Variants in DOCK2 observed in about 807,000 individuals in gnomAD.
DOCK2 encodes dedicator of cytokinesis 2, also known as dedicator of cytokinesis protein 2.
DOCK2 carries 87 observed loss-of-function variants against 248.9 expected under a neutral mutation model. The observed-to-expected ratio is 0.35, with a 90% CI of 0.29 to 0.42. The LOEUF (loss-of-function observed/expected upper bound fraction) is 0.42. Among genes scored for constraint, DOCK2 ranks in the 10% least tolerant of loss-of-function variants. The pLI, the probability that DOCK2 is intolerant of heterozygous loss-of-function variation, is 1.00. For missense variants in DOCK2, 1,747 were observed against 2,300.2 expected (o/e 0.76, Z 4.92); for synonymous variants, 805 against 821.6 (o/e 0.98, Z 0.35).
At chr5:170,056,398 CTAGGCCATCAATGT>C (rs1757132335) in intron 42 of DOCK2, 1 of 293,462 alleles carries the variant, frequency 3.4e-6, no homozygotes, top group South Asian at 8.9e-5. Context: ...AAATCATGAC[CTAGGCCATCAATGT>C]TAGAATTCCA....
chr5:169,828,300 T>A (rs962724469), intron 26 of DOCK2, among the ~76,000 whole-genome samples: 2 of 152,160 alleles, frequency 1.3e-5, no homozygotes, highest in Non-Finnish European at 2.9e-5. Context: ...TGCTAGTAGT[T>A]TTTCTAAAGT....
chr5:170,035,419 AT>A (rs1245993258), intron 35 of DOCK2, among the ~76,000 whole-genome samples: 1 of 152,016 alleles, frequency 6.6e-6, no homozygotes, highest in Admixed American at 6.5e-5. Flanking sequence ...CAGCCTAGAT[AT>A]TGCCATTGAT....
intron 27 of DOCK2, among the ~76,000 whole-genome samples, chr5:169,907,019 G>T (rs911225739): frequency 1.3e-5 from 2 of 152,140 alleles, no homozygotes; most frequent in Non-Finnish European, 2.9e-5. Flanking sequence ...ACAGAGCAGG[G>T]TCCCTGCTCT....
chr5:170,080,445 A>G lies in DOCK2; in HGVS notation c.5287+162A>G, dbSNP rs554296892. On this transcript the variant is annotated intron_variant, in intron 50 of 51. Coordinates refer to ENST00000520908, the MANE Select transcript of DOCK2 (RefSeq NM_004946.3). ...GCCACCCACCCTCTAATCTCTCCCC[A>G]CACCCACCACTTCCTGGGGGTGACA... 4.6e-6 allele frequency: 5 copies of G among 1,080,294 alleles called. No homozygotes were observed. The African/African-American group carries it at 7.9e-5, about 17-fold the overall frequency. The allele number at this position is 1,080,294 out of a possible 1,614,324, so 66.9% of individuals were successfully genotyped here. A position where few individuals can be genotyped will look rare whatever the true frequency, so the allele number is the denominator to read the frequency against.
intron 25 of DOCK2, among the ~76,000 whole-genome samples, chr5:169,790,935 G>A (rs968265363): frequency 1.3e-5 from 2 of 152,082 alleles, no homozygotes; most frequent in African/African-American, 4.8e-5. Context: ...TAGGTAAAAC[G>A]GCTCAGGGGA....
At chr5:169,711,456 T>C (rs1279618024) in intron 15 of DOCK2, among the ~76,000 whole-genome samples, 1 of 152,306 alleles carries the variant, frequency 6.6e-6, no homozygotes, top group East Asian at 1.9e-4. Flanking sequence ...AGCCCTAGGA[T>C]TTTTCCAAAT....
chr5:170,069,169 C>A lies in DOCK2; in HGVS notation c.4677C>A (p.His1559Gln). The A allele has an allele frequency of 6.2e-7, 1 of 1,614,106 alleles. No homozygotes were observed. Among genetic ancestry groups the A allele is most frequent in the Non-Finnish European group, 8.5e-7 (1 of 1,179,994 alleles). Residue 1559 changes from histidine (H) to glutamine (Q), a missense_variant, in exon 46 of 52, where the codon CAC becomes CAA. His to Gln is a conservative substitution (Grantham distance 24). Coordinates refer to ENST00000520908, the MANE Select transcript of DOCK2 (RefSeq NM_004946.3). ...AFFTEEYVRD[H>Q]PEDQDKLTHL... Reference sequence around the variant, plus strand: ...TCACTGAAGAGTATGTCAGGGACCACCCTGAGGACCAGGACAAGCTGACCC... The same window carrying A: ...TCACTGAAGAGTATGTCAGGGACCAACCTGAGGACCAGGACAAGCTGACCC...
At chr5:169,976,412 A>G (rs1278858590) in intron 27 of DOCK2, among the ~76,000 whole-genome samples, 1 of 152,206 alleles carries the variant, frequency 6.6e-6, no homozygotes, top group Non-Finnish European at 1.5e-5. Context: ...GATTACTGAC[A>G]GGATTCAGTA....
chr5:169,885,130 C>CA (rs1157050951), intron 27 of DOCK2, among the ~76,000 whole-genome samples: 1 of 152,208 alleles, frequency 6.6e-6, no homozygotes, highest in Non-Finnish European at 1.5e-5. Flanking sequence ...CTCACACACC[C>CA]AGTGCCAAGA....
At chr5:169,851,106 C>T (rs530179316) in intron 27 of DOCK2, among the ~76,000 whole-genome samples, 4 of 152,254 alleles carry the variant, frequency 2.6e-5, no homozygotes, top group East Asian at 1.9e-4. Context: ...TCCTTCCATC[C>T]GTGGTGTGTA....
At chr5:169,912,250 G>T (rs1774638000) in intron 27 of DOCK2, among the ~76,000 whole-genome samples, 1 of 151,758 alleles carries the variant, frequency 6.6e-6, no homozygotes, top group African/African-American at 2.4e-5. Context: ...TTAGAAAATG[G>T]GGTCTCACTG....
chr5:169,919,385 C>T (rs1034903684), intron 27 of DOCK2, among the ~76,000 whole-genome samples: 1 of 152,170 alleles, frequency 6.6e-6, no homozygotes, highest in Admixed American at 6.5e-5. Flanking sequence ...AAATAAATGG[C>T]TGGACACAAA....
chr5:169,704,801 GTGTGTA>G (rs1218377534), intron 14 of DOCK2, among the ~76,000 whole-genome samples: 4 of 138,362 alleles, frequency 2.9e-5, no homozygotes, highest in Non-Finnish European at 3.1e-5. Flanking sequence ...GTGTGTGTGT[GTGTGTA>G]TGTGTATGCA....
intron 23 of DOCK2, among the ~76,000 whole-genome samples, chr5:169,757,069 G>A (rs1764237112): frequency 6.6e-6 from 1 of 152,108 alleles, no homozygotes; most frequent in Non-Finnish European, 1.5e-5. Flanking sequence ...GATTTGTCTA[G>A]CAAATCAAAG....
At chr5:170,009,882 G>A (rs566363849) in intron 32 of DOCK2, among the ~76,000 whole-genome samples, 3 of 152,208 alleles carry the variant, frequency 2.0e-5, no homozygotes, top group Non-Finnish European at 2.9e-5. Context: ...GGATAACAGG[G>A]AGGTTGCAGG....
intron 25 of DOCK2, among the ~76,000 whole-genome samples, chr5:169,776,681 G>A (rs1765404612): frequency 6.6e-6 from 1 of 152,220 alleles, no homozygotes; most frequent in Non-Finnish European, 1.5e-5. Context: ...GTGGAACCAG[G>A]TGAAGATAAC....
chr5:169,782,593 T>C (rs1353086168), intron 25 of DOCK2, among the ~76,000 whole-genome samples: 3 of 152,008 alleles, frequency 2.0e-5, no homozygotes, highest in African/African-American at 7.3e-5. Context: ...TCCAGGTCCT[T>C]CTTTCTACGC....
chr5:169,786,661 A>G (rs1278124590), intron 25 of DOCK2, among the ~76,000 whole-genome samples: 4 of 152,158 alleles, frequency 2.6e-5, no homozygotes. Context: ...CTTTAAGAGC[A>G]CCGGCTCTGG....
At chr5:169,676,405 C>T (rs562769371) in intron 6 of DOCK2, among the ~76,000 whole-genome samples, 1 of 152,314 alleles carries the variant, frequency 6.6e-6, no homozygotes, top group East Asian at 1.9e-4. Flanking sequence ...CCTCCCTAAA[C>T]CAGCCCCTCC....
Sources: gnomAD v4.1 joint callset for allele counts (sites outside exome capture counted in the v4.1 genomes callset) on GRCh38, gnomAD v4.1.1 for gene constraint, MANE v1.5 for transcripts, NCBI Gene and HGNC (gene_info 2026-07-23, HGNC 2026-07-21) for gene names.